The following DMBT1 variants were observed in gnomAD, a reference collection of about 807,000 sequenced individuals.
DMBT1 encodes the protein scavenger receptor cysteine-rich domain-containing protein DMBT1.
A neutral mutation model predicts 252.9 loss-of-function variants in DMBT1; 198 were observed. That is an observed-to-expected ratio of 0.78 (90% CI 0.70 to 0.88). The LOEUF is 0.88. DMBT1 is among the 40% of genes least tolerant of loss of function. DMBT1 has a pLI of 0.00. For synonymous variants in DMBT1, 990 were observed against 942.7 expected (o/e 1.05, Z -0.92); for missense variants, 2,432 against 2,404.7 (o/e 1.01, Z -0.24).
At chr10:122,572,267 C>T (rs754764702) in intron 4 of DMBT1, 47 bp from the exon 5 acceptor site, 1 of 1,610,940 alleles carries the variant, frequency 6.2e-7, no homozygotes, top group South Asian at 1.1e-5. Context: ...CAACCCTCTT[C>T]AAGCAAGGGC....
chr10:122,568,902 C>T (rs1291138649), intron 2 of DMBT1, among the ~76,000 whole-genome samples: 1 of 152,224 alleles, frequency 6.6e-6, no homozygotes, highest in East Asian at 1.9e-4. Flanking sequence ...GTGTCATGTG[C>T]TCAGGTAGTG....
Position 122,637,132 on chromosome 10 carries a change from G to T in DMBT1, c.6762G>T (p.Leu2254=). 1 of 1,613,690 alleles carries T rather than the reference G, an allele frequency of 6.2e-7. No individual in the cohort carries two copies. Among genetic ancestry groups the T allele is most frequent in the South Asian group, 1.1e-5 (1 of 91,038 alleles). The change falls in exon 54 of 56, where the codon CTG becomes CTT. Residue 2254 remains leucine (L), a synonymous_variant. Coordinates refer to ENST00000338354, the MANE Select transcript of DMBT1 (RefSeq NM_001377530.1). ...TTATCTGTCCTTGTCTATCAGACCT[G>T]CTCTGTCTGCCAAATCACATGCAAG... ...YSSPSNDSTN[L]LCLPNHMQAS... is the part of the protein sequence containing the mutation.
At chr10:122,593,292 A>G (rs1416733641) in intron 20 of DMBT1, among the ~76,000 whole-genome samples, 3 of 148,348 alleles carry the variant, frequency 2.0e-5, no homozygotes, top group East Asian at 2.1e-4. Flanking sequence ...ACTCAGGAAC[A>G]CCTAAGATGT....
intron 50 of DMBT1, 78 bp from the exon 51 acceptor site, chr10:122,632,783 C>G: frequency 6.4e-6 from 10 of 1,568,980 alleles, no homozygotes; most frequent in Non-Finnish European, 8.7e-6. Flanking sequence ...GGCACAGCAT[C>G]TGCACAGCTC....
In DMBT1 at chr10:122,619,625, G is replaced by A. The variant is rs142159818; in HGVS notation, c.5245+288G>A. ...GTGGCCTCATGTTTAATGAGCTTTA[G>A]CTCATTTATATTCAGAGCTGATACA... On this transcript the variant is annotated intron_variant, in intron 42 of 55. Transcript: ENST00000338354. 3.2e-3 allele frequency among the ~76,000 whole-genome samples: 485 copies of A among 152,304 alleles called. 2 individuals carry two copies. The highest frequency in any genetic ancestry group is 0.011 in the African/African-American group (441 of 41,570).
At chr10:122,597,857 T>G in intron 24 of DMBT1, 117 bp from the exon 25 acceptor site, 3 of 1,486,816 alleles carry the variant, frequency 2.0e-6, no homozygotes, top group South Asian at 2.3e-5. Flanking sequence ...GGGGAGCAAG[T>G]GGCAGGAACC....
chr10:122,576,260 T>A, intron 6 of DMBT1, 139 bp from the exon 7 acceptor site: 1 of 1,278,184 alleles, frequency 7.8e-7, no homozygotes, highest in Non-Finnish European at 1.1e-6. Context: ...ACTCTAACCT[T>A]AAGGCCTGTT....
intron 1 of DMBT1, among the ~76,000 whole-genome samples, chr10:122,564,336 A>G (rs4282927): frequency 0.99 from 150,410 of 152,338 alleles, 74,284 homozygotes; most frequent in East Asian, 1. Context: ...GGGCATGGTG[A>G]CACATGCCTG....
In DMBT1 at chr10:122,592,389, A is replaced by G. The variant is rs980021627; in HGVS notation, c.2294A>G (p.Asn765Ser). The G allele has an allele frequency of 8.8e-6, 14 of 1,588,466 alleles. 1 individual carries two copies. Among genetic ancestry groups the G allele is most frequent in the African/African-American group, 1.3e-5 (1 of 74,630 alleles). ...GTGTGTGATGACAGCTGGGATACCA[A>G]TGATGCCAATGTGGTCTGCAGGCAG... is the stretch of plus-strand genomic sequence containing the variant. ...GTVCDDSWDT[N>S]DANVVCRQLG... Residue 765 changes from asparagine (N) to serine (S), a missense_variant, in exon 20 of 56, where the codon AAT becomes AGT. Physicochemically the swap from Asn to Ser is conservative, Grantham distance 46. Around this residue, in one of 3 missense-constraint regions of DMBT1, gnomAD observed 1,264 missense variants for 1,082.2 expected, o/e 1.17. Transcript: ENST00000338354.
chr10:122,617,467 G>T (rs183446989), intron 40 of DMBT1, among the ~76,000 whole-genome samples: 1 of 151,454 alleles, frequency 6.6e-6, no homozygotes, highest in Non-Finnish European at 1.5e-5. Flanking sequence ...ATGGGACCCT[G>T]TTCCAAGTGT....
intron 40 of DMBT1, 28 bp downstream of exon 40, chr10:122,617,288 G>T (rs754980515): frequency 6.2e-7 from 1 of 1,605,802 alleles, no homozygotes. Context: ...CCCTCCCTAG[G>T]GCTCACTATC....
chr10:122,571,893 T>C (rs1360549746), intron 4 of DMBT1, among the ~76,000 whole-genome samples: 1 of 152,240 alleles, frequency 6.6e-6, no homozygotes, highest in Non-Finnish European at 1.5e-5. Flanking sequence ...TCTGAAATGG[T>C]TGGTTTTCTT....
intron 25 of DMBT1, 86 bp downstream of exon 25, chr10:122,598,098 G>C: frequency 6.3e-7 from 1 of 1,588,196 alleles, no homozygotes; most frequent in South Asian, 1.1e-5. Context: ...TGAGGGTCAA[G>C]GTGGGCCCCT....
At chr10:122,640,011 G>T in intron 54 of DMBT1, 29 bp from the exon 55 acceptor site, 3 of 1,600,688 alleles carry the variant, frequency 1.9e-6, no homozygotes, top group Non-Finnish European at 2.6e-6. Context: ...ACATGTGCCT[G>T]ACTCTGCTCT....
At chr10:122,569,380 A>C (rs2097639219) in intron 2 of DMBT1, among the ~76,000 whole-genome samples, 1 of 152,218 alleles carries the variant, frequency 6.6e-6, no homozygotes, top group Non-Finnish European at 1.5e-5. Context: ...AATAAAAGCT[A>C]CTTAATATCC....
At chr10:122,561,708 G>A (rs11517386) in intron 1 of DMBT1, among the ~76,000 whole-genome samples, 34,248 of 149,110 alleles carry the variant, frequency 0.23, 4,588 homozygotes, top group Non-Finnish European at 0.31. Flanking sequence ...CATCTTTTGG[G>A]CAGATATCAC....
intron 53 of DMBT1, among the ~76,000 whole-genome samples, 167 bp from the exon 54 acceptor site, chr10:122,636,961 G>A (rs1459929893): frequency 1.3e-5 from 2 of 152,086 alleles, no homozygotes; most frequent in African/African-American, 4.8e-5. Flanking sequence ...CTTGACCCTC[G>A]GGTCCTTGGG....
At chr10:122,600,682 G>A (rs954389179) in intron 27 of DMBT1, among the ~76,000 whole-genome samples, 1 of 152,198 alleles carries the variant, frequency 6.6e-6, no homozygotes, top group African/African-American at 2.4e-5. Flanking sequence ...CCGAGCCTCA[G>A]CAATGGCGTC....
intron 40 of DMBT1, 147 bp downstream of exon 40, chr10:122,617,407 C>G (rs552674251): frequency 3.8e-6 from 4 of 1,045,170 alleles, no homozygotes; most frequent in Non-Finnish European, 5.7e-6. Context: ...TCTAGGGAGT[C>G]AGCCCTGGGT....
Sources: gnomAD v4.1 joint callset for allele counts (sites outside exome capture counted in the v4.1 genomes callset) on GRCh38, gnomAD v4.1.1 for gene constraint, gnomAD v4.1.1 regional missense constraint, MANE v1.5 for transcripts, NCBI Gene and HGNC (gene_info 2026-07-23, HGNC 2026-07-21) for gene names.